The following IL1RAPL1 variants were observed in gnomAD, a reference collection of about 807,000 sequenced individuals.
IL1RAPL1 encodes the protein interleukin-1 receptor accessory protein-like 1.
IL1RAPL1 carries 3 observed loss-of-function variants against 48.4 expected under a neutral mutation model. The ratio of observed to expected loss-of-function variants is 0.06; its 90% CI spans 0.03 to 0.16. The LOEUF is 0.16. IL1RAPL1 is among the 10% of genes least tolerant of loss of function. The probability of loss-of-function intolerance (pLI) is 1.00; values close to 1 mark genes in which losing one functional copy is unlikely to be tolerated. For synonymous variants in IL1RAPL1, 185 were observed against 187.7 expected (o/e 0.99, Z 0.12); for missense variants, 349 against 530.6 (o/e 0.66, Z 3.36).
intron 9 of IL1RAPL1, among the ~76,000 whole-genome samples, chrX:29,943,977 T>C (rs994556032): frequency 8.9e-6 from 1 of 111,914 alleles, no homozygotes; most frequent in Non-Finnish European, 1.9e-5. Flanking sequence ...AACAGTATTC[T>C]AACAGATGAG....
intron 3 of IL1RAPL1, among the ~76,000 whole-genome samples, chrX:29,334,582 T>G (rs1602178595): frequency 1.0e-5 from 1 of 97,657 alleles, no homozygotes. Context: ...AGGCAGAGGG[T>G]TTCCTCACTT....
intron 5 of IL1RAPL1, among the ~76,000 whole-genome samples, chrX:29,490,852 G>GTA (rs753856512): frequency 0.01 from 982 of 93,684 alleles, 52 homozygotes; most frequent in African/African-American, 0.042. Flanking sequence ...GTGTGTGTGT[G>GTA]TATATATATA....
intron 1 of IL1RAPL1, among the ~76,000 whole-genome samples, chrX:28,590,504 A>C (rs1355669996): frequency 9.0e-6 from 1 of 111,239 alleles, no homozygotes; most frequent in African/African-American, 3.3e-5. Context: ...TGACTTTCAT[A>C]CTTCTGCAGG....
At chrX:29,345,714 A>G (rs928528476) in intron 3 of IL1RAPL1, among the ~76,000 whole-genome samples, 2 of 111,471 alleles carry the variant, frequency 1.8e-5, no homozygotes, top group Non-Finnish European at 3.8e-5. Context: ...TGGTACATTT[A>G]TAGGTTTTTA....
At chrX:29,418,380 C>T (rs1193963937) in intron 5 of IL1RAPL1, among the ~76,000 whole-genome samples, 2 of 108,570 alleles carry the variant, frequency 1.8e-5, no homozygotes, top group African/African-American at 6.7e-5. Context: ...CCCACCTCAG[C>T]CTCCCAAAGT....
At chrX:29,674,052 A>C (rs1926208301) in intron 6 of IL1RAPL1, among the ~76,000 whole-genome samples, 2 of 112,221 alleles carry the variant, frequency 1.8e-5, no homozygotes, top group Non-Finnish European at 3.8e-5. Context: ...AGAGAGGAGA[A>C]ATAGGTTTGG....
intron 5 of IL1RAPL1, among the ~76,000 whole-genome samples, chrX:29,490,125 T>G (rs1461322065): frequency 9.0e-6 from 1 of 111,195 alleles, no homozygotes; most frequent in African/African-American, 3.3e-5. Flanking sequence ...TCTGTGACAA[T>G]TCCAGGCAGC....
chrX:28,907,455 A>G lies in IL1RAPL1; in HGVS notation c.82+118030A>G, dbSNP rs199731055. Among the ~76,000 whole-genome samples, 10 of 111,692 alleles carry G rather than the reference A, an allele frequency of 9.0e-5. No individual in the cohort carries two copies. In the East Asian group the frequency reaches 2.6e-3, roughly 29 times the overall value. On this transcript the variant is annotated intron_variant, in intron 2 of 10. Transcript: ENST00000378993. ...TTTTTAGTAGAGACGGGGTTTTGCCATGTTGACCAGGGCTGTCTCAAACTC... is the reference window on the plus strand; with the variant it reads ...TTTTTAGTAGAGACGGGGTTTTGCCGTGTTGACCAGGGCTGTCTCAAACTC...
At chrX:28,951,704 CCTTT>C (rs1379104427) in intron 2 of IL1RAPL1, among the ~76,000 whole-genome samples, 1 of 111,086 alleles carries the variant, frequency 9.0e-6, no homozygotes, top group Non-Finnish European at 1.9e-5. Context: ...AATTCTCTTG[CCTTT>C]CTTTCTAGGA....
At chrX:29,933,143 AG>A (rs1305600099) in intron 8 of IL1RAPL1, among the ~76,000 whole-genome samples, 1 of 110,912 alleles carries the variant, frequency 9.0e-6, no homozygotes, top group Non-Finnish European at 1.9e-5. Flanking sequence ...ATGAGAACAC[AG>A]GGACACAGGG....
chrX:28,651,868 G>T (rs1934686909), intron 1 of IL1RAPL1, among the ~76,000 whole-genome samples: 1 of 111,566 alleles, frequency 9.0e-6, no homozygotes, highest in African/African-American at 3.3e-5. Flanking sequence ...GGAAGCTTGA[G>T]ATGCCATCTA....
chrX:28,899,047 T>C (rs1923005855), intron 2 of IL1RAPL1, among the ~76,000 whole-genome samples: 1 of 111,459 alleles, frequency 9.0e-6, no homozygotes, highest in South Asian at 3.8e-4. Context: ...TCAGCCTGTC[T>C]GGGGAGGCCT....
At chrX:29,612,261 T>C (rs1441015529) in intron 5 of IL1RAPL1, among the ~76,000 whole-genome samples, 2 of 110,844 alleles carry the variant, frequency 1.8e-5, no homozygotes, top group African/African-American at 6.6e-5. Flanking sequence ...ATTTTTTAAG[T>C]CAATGGACCC....
intron 3 of IL1RAPL1, among the ~76,000 whole-genome samples, chrX:29,322,496 C>T (rs1281193182): frequency 9.0e-6 from 1 of 111,705 alleles, no homozygotes; most frequent in Non-Finnish European, 1.9e-5. Context: ...AACTCCCGAG[C>T]TCAGGTGTTC....
intron 2 of IL1RAPL1, among the ~76,000 whole-genome samples, chrX:29,202,046 C>T (rs1478076031): frequency 8.9e-6 from 1 of 112,268 alleles, no homozygotes; most frequent in Admixed American, 9.4e-5. Context: ...TTAAGTTTCC[C>T]TACCACTGTA....
At chrX:28,609,802 C>A (rs997976949) in intron 1 of IL1RAPL1, among the ~76,000 whole-genome samples, 2 of 110,407 alleles carry the variant, frequency 1.8e-5, no homozygotes, top group Non-Finnish European at 3.8e-5. Context: ...TATCCAATAA[C>A]CCTCCCTGTC....
intron 5 of IL1RAPL1, among the ~76,000 whole-genome samples, chrX:29,626,020 A>T (rs1602333236): frequency 1.8e-5 from 2 of 112,189 alleles, no homozygotes; most frequent in South Asian, 7.4e-4. Flanking sequence ...CGACATTGTC[A>T]TAAAGGGCAT....
intron 3 of IL1RAPL1, among the ~76,000 whole-genome samples, chrX:29,302,193 T>C (rs1387565519): frequency 8.9e-6 from 1 of 112,046 alleles, no homozygotes; most frequent in Non-Finnish European, 1.9e-5. Flanking sequence ...CAGACAATTA[T>C]CTAATGAATT....
intron 6 of IL1RAPL1, among the ~76,000 whole-genome samples, chrX:29,818,753 T>C (rs949684322): frequency 4.5e-5 from 5 of 112,334 alleles, no homozygotes; most frequent in African/African-American, 1.3e-4. Flanking sequence ...AGCAATGCTA[T>C]CAAATATAGA....
Sources: gnomAD v4.1 joint callset for allele counts (sites outside exome capture counted in the v4.1 genomes callset) on GRCh38, gnomAD v4.1.1 for gene constraint, MANE v1.5 for transcripts, NCBI Gene and HGNC (gene_info 2026-07-23, HGNC 2026-07-21) for gene names.